The following GON4L variants were observed in gnomAD, a reference collection of about 807,000 sequenced individuals.
The protein encoded by GON4L is GON-4-like protein.
In GON4L, 87 loss-of-function variants were observed where a neutral mutation model predicts 211.8. The ratio of observed to expected loss-of-function variants is 0.41; its 90% CI spans 0.35 to 0.49. The LOEUF is 0.49. Ranked by LOEUF, GON4L falls within the 20% of genes least tolerant of loss-of-function variation. GON4L has a pLI of 0.15. For synonymous variants in GON4L, 875 were observed against 962.6 expected (o/e 0.91, Z 1.68); for missense variants, 2,155 against 2,659.5 (o/e 0.81, Z 4.17).
intron 20 of GON4L, chr1:155,767,184 T>C (rs1029381921): frequency 1.2e-5 from 12 of 979,754 alleles, no homozygotes; most frequent in Non-Finnish European, 1.8e-5. Context: ...ATTCTAATTA[T>C]ACACTTTAGA....
At chr1:155,774,284 A>G (rs1291960185) in intron 17 of GON4L, among the ~76,000 whole-genome samples, 4 of 151,008 alleles carry the variant, frequency 2.6e-5, no homozygotes, top group Non-Finnish European at 5.9e-5. Flanking sequence ...TGCTGCAGTC[A>G]GTATGGTAAA....
At chr1:155,834,055 G>T (rs1211610247) in intron 2 of GON4L, among the ~76,000 whole-genome samples, 1 of 151,912 alleles carries the variant, frequency 6.6e-6, no homozygotes, top group Non-Finnish European at 1.5e-5. Context: ...TGAACTCCTG[G>T]CCACAAGATC....
downstream of GON4L, chr1:155,747,087 A>C (rs1660267669): frequency 6.2e-7 from 1 of 1,606,068 alleles, no homozygotes; most frequent in African/African-American, 1.4e-5. Flanking sequence ...TTTGCCTCTA[A>C]ACTGCCTGGA....
At chr1:155,748,303 T>C (rs562846226), downstream of GON4L, 23 of 1,339,582 alleles carry the variant, frequency 1.7e-5, no homozygotes, top group East Asian at 2.1e-4. Context: ...AACATACCCC[T>C]GATTCATCCC....
chr1:155,795,250 A>C, intron 11 of GON4L, 99 bp from the exon 12 acceptor site: 1 of 769,788 alleles, frequency 1.3e-6, no homozygotes, highest in South Asian at 1.4e-5. Context: ...TTTTTGAGAC[A>C]GGGTCTCACT....
chr1:155,754,293 G>A, intron 28 of GON4L, 82 bp downstream of exon 28: 1 of 856,442 alleles, frequency 1.2e-6, no homozygotes, highest in Admixed American at 1.7e-5. Context: ...GCCTTTTTAG[G>A]AATTCAGTAA....
chr1:155,785,188 A>G, intron 13 of GON4L, 146 bp downstream of exon 13: 2 of 752,794 alleles, frequency 2.7e-6, no homozygotes, highest in South Asian at 2.8e-5. Flanking sequence ...TTCCCTTGTC[A>G]TTATATTCTT....
rs1668656050 is a variant in GON4L at position 155,820,745 on chromosome 1, C to A, written c.964-89G>T. On this transcript the variant is annotated intron_variant, in intron 5 of 31. Transcript: ENST00000368331. ...GCCTATAATCCTAGCACTTTAGGGG[C>A]CAAGGTGGGAGGATGGCTTGAGGCA... is the stretch of plus-strand genomic sequence containing the variant. 4 of 953,366 alleles carry A rather than the reference C, an allele frequency of 4.2e-6. No homozygotes were observed. The East Asian group carries it at 9.6e-5, about 23-fold the overall frequency. The allele number at this position is 953,366 out of a possible 1,614,324, so 59.1% of individuals were successfully genotyped here.
chr1:155,823,514 T>C (rs1489814556), intron 3 of GON4L, among the ~76,000 whole-genome samples: 1 of 152,172 alleles, frequency 6.6e-6, no homozygotes, highest in Non-Finnish European at 1.5e-5. Flanking sequence ...GACACAGATG[T>C]CGACTACCAC....
chr1:155,754,145 G>C (rs1220303478), intron 28 of GON4L: 2 of 574,928 alleles, frequency 3.5e-6, no homozygotes, highest in East Asian at 3.1e-5. Context: ...ATTTTAACTG[G>C]TATTTTGTTT....
Position 155,771,232 on chromosome 1 carries a change from T to C in GON4L, c.2496-15A>G, listed in dbSNP as rs371835693. 7.4e-6 allele frequency: 12 copies of C among 1,613,692 alleles called. No homozygotes were observed. The African/African-American group carries it at 1.1e-4, about 14-fold the overall frequency. Reference sequence around the variant, plus strand: ...AAGCTAACAAACTGAGAAAGGAGAATAACACTAAATCTCACTTCACAGTCC... The same window carrying C: ...AAGCTAACAAACTGAGAAAGGAGAACAACACTAAATCTCACTTCACAGTCC... On this transcript the variant is annotated splice_polypyrimidine_tract_variant and intron_variant, in intron 18 of 31. Coordinates refer to ENST00000368331, the MANE Select transcript of GON4L (RefSeq NM_001282860.2).
Position 155,762,373 on chromosome 1 carries a change from T to C in GON4L, c.4728A>G (p.Gly1576=), listed in dbSNP as rs779293479. Residue 1576 remains glycine (G), a splice_region_variant and synonymous_variant, in exon 23 of 32, where the codon GGA becomes GGG. Coordinates refer to ENST00000368331, the MANE Select transcript of GON4L (RefSeq NM_001282860.2). ...PEVETSRTPP[G]ESIKAAGKGR... The stretch of plus-strand genomic sequence containing the variant: ...CTTTTCCAGCAGCTTTGATGCTCTC[T>C]CCTTGTAGCACACATGAAAAGGATT... 1.7e-5 allele frequency: 27 copies of C among 1,605,788 alleles called. No individual in the cohort carries two copies. In the South Asian group the frequency reaches 2.0e-4, roughly 12 times the overall value.
At chr1:155,764,281 G>C (rs1305198480) in intron 21 of GON4L, 1 of 154,802 alleles carries the variant, frequency 6.5e-6, no homozygotes, top group Non-Finnish European at 1.4e-5. Context: ...ACTACGCCCA[G>C]CTAATTTTGT....
chr1:155,786,196 AG>A (rs1255832600), intron 12 of GON4L, among the ~76,000 whole-genome samples: 1 of 152,120 alleles, frequency 6.6e-6, no homozygotes, highest in East Asian at 1.9e-4. Context: ...AATGAAAGAG[AG>A]ATAGAGAGAG....
At chr1:155,796,273 TTTC>T (rs1425378922) in intron 11 of GON4L, among the ~76,000 whole-genome samples, 1 of 150,830 alleles carries the variant, frequency 6.6e-6, no homozygotes, top group Non-Finnish European at 1.5e-5. Flanking sequence ...CCCTTTTAAT[TTTC>T]TTTTTTCTTT....
chr1:155,773,482 T>C (rs1663425197), intron 17 of GON4L: 2 of 457,550 alleles, frequency 4.4e-6, no homozygotes, highest in South Asian at 2.3e-5. Flanking sequence ...AAAAAGCACC[T>C]AGTAAAATAA....
At chr1:155,810,288 C>T (rs189088891) in intron 10 of GON4L, among the ~76,000 whole-genome samples, 216 of 151,694 alleles carry the variant, frequency 1.4e-3, no homozygotes, top group African/African-American at 5.1e-3. Flanking sequence ...GCCACCACAC[C>T]CAGCCTTAAT....
At position 155,754,356 on chromosome 1, in the gene GON4L, C is replaced by T; in HGVS notation, c.5631+19G>A. On this transcript the variant is annotated intron_variant, in intron 28 of 31. Transcript: ENST00000368331. ...CCCAGCAGCTCTGATACCCTCGGGA[C>T]CCTTGATACTTTCCTCACCTTGCTG... is the stretch of plus-strand genomic sequence containing the variant. 6.9e-7 allele frequency: 1 copy of T among 1,447,642 alleles called. No individual in the cohort carries two copies. The highest frequency in any genetic ancestry group is 9.7e-7 in the Non-Finnish European group (1 of 1,028,092). The allele number at this position is 1,447,642 out of a possible 1,614,324, so 89.7% of individuals were successfully genotyped here.
At chr1:155,836,334 C>T (rs552246882) in intron 2 of GON4L, among the ~76,000 whole-genome samples, 186 of 151,472 alleles carry the variant, frequency 1.2e-3, no homozygotes, top group African/African-American at 4.3e-3. Context: ...ACTGCAACCT[C>T]GCCTCCCGGG....
Sources: gnomAD v4.1 joint callset for allele counts (sites outside exome capture counted in the v4.1 genomes callset) on GRCh38, gnomAD v4.1.1 for gene constraint, MANE v1.5 for transcripts, NCBI Gene and HGNC (gene_info 2026-07-23, HGNC 2026-07-21) for gene names.